PTPRD: variants seen among roughly 807,000 people sequenced by gnomAD.
The protein encoded by PTPRD is protein tyrosine phosphatase receptor type D.
PTPRD carries 34 observed loss-of-function variants against 214.5 expected under a neutral mutation model. The observed-to-expected ratio is 0.16, with a 90% CI of 0.12 to 0.21. PTPRD has a LOEUF of 0.21. Ranked by LOEUF, PTPRD falls within the 10% of genes least tolerant of loss-of-function variation. The pLI is 1.00. For missense variants in PTPRD, 2,545 were observed against 2,398.7 expected, an observed-to-expected ratio of 1.06 and a Z score of -1.27; for synonymous variants, 1,128 against 845.7, an observed-to-expected ratio of 1.33 and a Z score of -5.79.
chr9:9,880,021 C>T (rs939433217), intron 5 of PTPRD, among the ~76,000 whole-genome samples: 3 of 152,156 alleles, frequency 2.0e-5, no homozygotes, highest in African/African-American at 7.2e-5. Flanking sequence ...AATCTCATCT[C>T]TAACTCTAAT....
At chr9:10,507,943 A>T (rs938813766) in intron 2 of PTPRD, among the ~76,000 whole-genome samples, 4 of 152,242 alleles carry the variant, frequency 2.6e-5, no homozygotes, top group African/African-American at 9.6e-5. Flanking sequence ...GCCAAAACTG[A>T]CAAATGGGAT....
chr9:10,473,136 T>C (rs1229969080), intron 2 of PTPRD, among the ~76,000 whole-genome samples: 1 of 152,044 alleles, frequency 6.6e-6, no homozygotes, highest in Non-Finnish European at 1.5e-5. Context: ...AGAAATTTGG[T>C]GTTCTTGTGA....
chr9:9,960,677 G>C (rs1323781971), intron 4 of PTPRD, among the ~76,000 whole-genome samples: 2 of 151,928 alleles, frequency 1.3e-5, no homozygotes, highest in Non-Finnish European at 2.9e-5. Flanking sequence ...CTAACAGAGG[G>C]GCATCCTGCA....
intron 12 of PTPRD, among the ~76,000 whole-genome samples, chr9:8,674,457 A>C (rs964742158): frequency 1.2e-4 from 1 of 8,478 alleles, no homozygotes; most frequent in Non-Finnish European, 2.0e-4. Context: ...ACGCTGTCTC[A>C]AAAAAAAAAA....
At chr9:9,743,619 T>G (rs375244140) in intron 6 of PTPRD, among the ~76,000 whole-genome samples, 60 of 152,052 alleles carry the variant, frequency 3.9e-4, no homozygotes, top group African/African-American at 1.4e-3. Flanking sequence ...CCCTCTTCCT[T>G]TTCCAAAGGC....
At chr9:8,776,488 G>A (rs1325795644) in intron 11 of PTPRD, among the ~76,000 whole-genome samples, 1 of 149,358 alleles carries the variant, frequency 6.7e-6, no homozygotes, top group Non-Finnish European at 1.5e-5. Flanking sequence ...AGTAAAGATG[G>A]GATTTCGTCA....
intron 7 of PTPRD, among the ~76,000 whole-genome samples, chr9:9,674,707 G>T (rs193209354): frequency 6.6e-6 from 1 of 151,716 alleles, no homozygotes. Flanking sequence ...AAGATCGTTA[G>T]GGTAATAAAA....
intron 3 of PTPRD, among the ~76,000 whole-genome samples, chr9:10,035,359 T>G (rs13289391): frequency 0.1 from 15,323 of 152,148 alleles, 847 homozygotes; most frequent in East Asian, 0.14. Context: ...AGGAATAGTT[T>G]GCAAAAATTT....
At chr9:8,675,865 G>A (rs1284026043) in intron 12 of PTPRD, among the ~76,000 whole-genome samples, 1 of 152,080 alleles carries the variant, frequency 6.6e-6, no homozygotes, top group Non-Finnish European at 1.5e-5. Flanking sequence ...ACTCTTCATA[G>A]TGAAGTCAGA....
chr9:10,071,103 A>G (rs1181594178), intron 3 of PTPRD, among the ~76,000 whole-genome samples: 1 of 152,108 alleles, frequency 6.6e-6, no homozygotes, highest in Non-Finnish European at 1.5e-5. Context: ...CTCTGATGAA[A>G]GAAATCAAAG....
chr9:10,222,019 GA>G (rs76073512), intron 3 of PTPRD, among the ~76,000 whole-genome samples: 4 of 151,560 alleles, frequency 2.6e-5, no homozygotes, highest in African/African-American at 9.7e-5. Flanking sequence ...AAAACTGTGA[GA>G]AAAAAAATGC....
intron 8 of PTPRD, among the ~76,000 whole-genome samples, chr9:9,426,371 C>T (rs1170047070): frequency 6.6e-6 from 1 of 152,210 alleles, no homozygotes; most frequent in Non-Finnish European, 1.5e-5. Flanking sequence ...TGGGCGCCCA[C>T]CATTGCTGAG....
intron 3 of PTPRD, among the ~76,000 whole-genome samples, chr9:10,319,393 C>A (rs1279249598): frequency 2.6e-5 from 4 of 152,044 alleles, no homozygotes; most frequent in Non-Finnish European, 5.9e-5. Flanking sequence ...ATCTGAAATT[C>A]AAAATATGTG....
At chr9:10,437,352 T>C (rs1483919844) in intron 2 of PTPRD, among the ~76,000 whole-genome samples, 1 of 151,878 alleles carries the variant, frequency 6.6e-6, no homozygotes, top group Non-Finnish European at 1.5e-5. Flanking sequence ...AATTGATAGC[T>C]TTTTCCCTCC....
chr9:8,323,855 AAG>A (rs1830847158), intron 44 of PTPRD, among the ~76,000 whole-genome samples: 1 of 152,192 alleles, frequency 6.6e-6, no homozygotes, highest in Admixed American at 6.5e-5. Flanking sequence ...CCAATTTTGA[AAG>A]AAGTTCTACT....
chr9:10,077,331 GTACT>G (rs1424109195), intron 3 of PTPRD, among the ~76,000 whole-genome samples: 3 of 152,176 alleles, frequency 2.0e-5, no homozygotes, highest in East Asian at 3.9e-4. Context: ...TCATGCAAAT[GTACT>G]CTAGCTTCCT....
At chr9:10,281,649 G>C (rs76683897) in intron 3 of PTPRD, among the ~76,000 whole-genome samples, 2 of 152,040 alleles carry the variant, frequency 1.3e-5, no homozygotes, top group Non-Finnish European at 2.9e-5. Flanking sequence ...GCTAGTAATA[G>C]ACCATACATA....
intron 8 of PTPRD, among the ~76,000 whole-genome samples, chr9:9,522,154 T>C (rs1326992210): frequency 9.6e-6 from 1 of 103,652 alleles, no homozygotes; most frequent in Non-Finnish European, 1.8e-5. Flanking sequence ...CAAATCTCCA[T>C]CTCAAAAAAA....
chr9:10,157,563 A>AT (rs918463523), intron 3 of PTPRD, among the ~76,000 whole-genome samples: 8 of 151,444 alleles, frequency 5.3e-5, no homozygotes, highest in African/African-American at 1.2e-4. Context: ...TGCCTTTAAC[A>AT]TTTTTTTTCC....
Sources: allele counts gnomAD v4.1 joint callset (sites outside exome capture counted in the v4.1 genomes callset), GRCh38; gene constraint gnomAD v4.1.1; transcripts MANE v1.5; gene names NCBI Gene and HGNC (gene_info 2026-07-23, HGNC 2026-07-21).